Variants in KDM2A observed in about 807,000 individuals in gnomAD.
KDM2A encodes lysine-specific demethylase 2A.
KDM2A carries 3 observed loss-of-function variants against 137.3 expected under a neutral mutation model. That is an observed-to-expected ratio of 0.02 (90% CI 0.01 to 0.06). The LOEUF is 0.06. Among genes scored for constraint, KDM2A ranks in the 10% least tolerant of loss-of-function variants. The pLI is 1.00. For synonymous variants in KDM2A, 512 were observed against 541.5 expected (o/e 0.95, Z 0.76); for missense variants, 738 against 1,510.6 (o/e 0.49, Z 8.48).
rs1859064966 is a variant in KDM2A at position 67,242,254 on chromosome 11, A to G, written c.1480-755A>G. On this transcript the variant is annotated intron_variant, in intron 12 of 20. Transcript: ENST00000529006. ...CCCCCATTTAGAGGAATAAAGGCAAATAGCAGACTCTGTGGGTGTGTGTAT... is the reference window on the plus strand; with the variant it reads ...CCCCCATTTAGAGGAATAAAGGCAAGTAGCAGACTCTGTGGGTGTGTGTAT... Among the ~76,000 whole-genome samples, 3 of 148,666 alleles carry G rather than the reference A, an allele frequency of 2.0e-5. No individual in the cohort carries two copies. In the South Asian group the frequency reaches 6.6e-4, roughly 33 times the overall value.
At chr11:67,224,144 A>G (rs1474540685) in intron 10 of KDM2A, among the ~76,000 whole-genome samples, 1 of 152,084 alleles carries the variant, frequency 6.6e-6, no homozygotes, top group African/African-American at 2.4e-5. Flanking sequence ...TTGAAAAGGG[A>G]CTCCTATCCA....
intron 2 of KDM2A, among the ~76,000 whole-genome samples, chr11:67,148,403 AGAGT>A (rs1468503585): frequency 6.6e-6 from 1 of 152,168 alleles, no homozygotes; most frequent in African/African-American, 2.4e-5. Context: ...CCTAGACAAC[AGAGT>A]GAGACCTAAT....
At chr11:67,200,602 C>T (rs1235592419) in intron 5 of KDM2A, among the ~76,000 whole-genome samples, 1 of 152,006 alleles carries the variant, frequency 6.6e-6, no homozygotes, top group Non-Finnish European at 1.5e-5. Context: ...GGCTCAGTGT[C>T]CCTGGGCTCA....
intron 11 of KDM2A, among the ~76,000 whole-genome samples, chr11:67,229,754 C>A (rs1046963587): frequency 1.2e-4 from 18 of 151,708 alleles, no homozygotes; most frequent in African/African-American, 4.4e-4. Context: ...CCTGTAGTAC[C>A]AGGTACTCGG....
At chr11:67,174,380 C>G in intron 2 of KDM2A, among the ~76,000 whole-genome samples, 1 of 152,192 alleles carries the variant, frequency 6.6e-6, no homozygotes, top group East Asian at 1.9e-4. Context: ...TCTGATTTCC[C>G]AACTCTTACC....
At chr11:67,201,557 C>T (rs994075830) in intron 5 of KDM2A, among the ~76,000 whole-genome samples, 1 of 151,718 alleles carries the variant, frequency 6.6e-6, no homozygotes, top group Non-Finnish European at 1.5e-5. Flanking sequence ...GATCACAAGT[C>T]AGGGGTACAA....
chr11:67,168,653 ACACACACACACG>A (rs1856807465), intron 2 of KDM2A, among the ~76,000 whole-genome samples: 4 of 145,786 alleles, frequency 2.7e-5, no homozygotes, highest in Non-Finnish European at 6.0e-5. Context: ...ACACACACAC[ACACACACACACG>A]GTCGGGGGGA....
At chr11:67,247,074 T>TAA (rs1565424315) in intron 15 of KDM2A, among the ~76,000 whole-genome samples, 3 of 56,840 alleles carry the variant, frequency 5.3e-5, no homozygotes, top group Admixed American at 1.8e-4. Context: ...TATATATATT[T>TAA]TTTTTTTTTT....
intron 2 of KDM2A, among the ~76,000 whole-genome samples, chr11:67,153,342 G>A (rs956046388): frequency 1.3e-5 from 2 of 152,090 alleles, no homozygotes; most frequent in African/African-American, 4.8e-5. Flanking sequence ...ATGCTTTTCT[G>A]TCCAAGAAAA....
At chr11:67,189,829 ACT>A (rs1219847167) in intron 5 of KDM2A, among the ~76,000 whole-genome samples, 2 of 152,136 alleles carry the variant, frequency 1.3e-5, no homozygotes, top group African/African-American at 4.8e-5. Flanking sequence ...ACAAAGTGAG[ACT>A]CTGTGTCAAA....
intron 10 of KDM2A, among the ~76,000 whole-genome samples, chr11:67,222,085 AT>A (rs1171638161): frequency 8.3e-5 from 7 of 84,056 alleles, no homozygotes; most frequent in African/African-American, 3.4e-4. Context: ...TTTTTAATTT[AT>A]TTTTTTATTG....
Position 67,255,710 on chromosome 11 carries a change from C to A in KDM2A, c.*655C>A. On this transcript the variant is annotated 3_prime_UTR_variant, in exon 21 of 21. Coordinates refer to ENST00000529006, the MANE Select transcript of KDM2A (RefSeq NM_012308.3). ...AATTAGGTTTCCCACCCCAGCCTAC[C>A]CGACTTACTTGCTAGTCTCTATGAG... 1 of 389,540 alleles carries A rather than the reference C, an allele frequency of 2.6e-6. No homozygotes were observed. The highest frequency in any genetic ancestry group is 1.9e-5 in the South Asian group (1 of 53,534). 24.1% of individuals were successfully genotyped at this position (389,540 alleles called of 1,614,324 possible).
chr11:67,144,292 G>A (rs538495765), intron 2 of KDM2A, among the ~76,000 whole-genome samples: 3 of 138,648 alleles, frequency 2.2e-5, no homozygotes, highest in African/African-American at 5.4e-5. Context: ...CACTCTTGTT[G>A]CCCAGGCTGG....
chr11:67,192,027 A>G (rs936646592), intron 5 of KDM2A, among the ~76,000 whole-genome samples: 5 of 152,236 alleles, frequency 3.3e-5, no homozygotes, highest in African/African-American at 1.2e-4. Flanking sequence ...ATTACGGAGA[A>G]TATCATTAAC....
chr11:67,151,267 T>C (rs1250747584), intron 2 of KDM2A, among the ~76,000 whole-genome samples: 1 of 152,184 alleles, frequency 6.6e-6, no homozygotes, highest in African/African-American at 2.4e-5. Flanking sequence ...TGGTAGCCAC[T>C]AGCCACAGGT....
At chr11:67,230,289 A>G (rs1858670464) in intron 11 of KDM2A, among the ~76,000 whole-genome samples, 1 of 152,128 alleles carries the variant, frequency 6.6e-6, no homozygotes. Flanking sequence ...GTTCAAGACC[A>G]GCTTAGGCAA....
chr11:67,255,130 C>T lies in KDM2A; in HGVS notation c.*75C>T, dbSNP rs988366051. On this transcript the variant is annotated 3_prime_UTR_variant, in exon 21 of 21. Transcript: ENST00000529006. ...CACCGAGGAGAGCCTCTCCTCGACCCTGCACGGGCTCTGAGGCCAGCGTCA... is the reference window on the plus strand; with the variant it reads ...CACCGAGGAGAGCCTCTCCTCGACCTTGCACGGGCTCTGAGGCCAGCGTCA... 2 of 1,347,492 alleles carry T rather than the reference C, an allele frequency of 1.5e-6. No homozygotes were observed. The highest frequency in any genetic ancestry group is 2.0e-6 in the Non-Finnish European group (2 of 978,702). 83.5% of individuals were successfully genotyped at this position (1,347,492 alleles called of 1,614,324 possible). A position where few individuals can be genotyped will look rare whatever the true frequency, so the allele number is the denominator to read the frequency against.
At chr11:67,185,651 A>C (rs898908094) in intron 5 of KDM2A, among the ~76,000 whole-genome samples, 1 of 151,984 alleles carries the variant, frequency 6.6e-6, no homozygotes, top group African/African-American at 2.4e-5. Flanking sequence ...AAAAAAAAAA[A>C]AGTTATCCCT....
At chr11:67,195,363 C>A (rs575835658) in intron 5 of KDM2A, among the ~76,000 whole-genome samples, 1 of 87,604 alleles carries the variant, frequency 1.1e-5, no homozygotes, top group Non-Finnish European at 2.2e-5. Context: ...AGTGAGACTC[C>A]GTCTCCAAAA....
Sources: allele counts gnomAD v4.1 joint callset (sites outside exome capture counted in the v4.1 genomes callset), GRCh38; gene constraint gnomAD v4.1.1; transcripts MANE v1.5; gene names NCBI Gene and HGNC (gene_info 2026-07-23, HGNC 2026-07-21).